Variants in CHSY1 observed in about 807,000 individuals in gnomAD.
CHSY1 encodes the protein chondroitin sulfate synthase 1.
A neutral mutation model predicts 59.8 loss-of-function variants in CHSY1; 13 were observed. That is an observed-to-expected ratio of 0.22 (90% CI 0.14 to 0.35). The LOEUF is 0.35. CHSY1 is among the 10% of genes least tolerant of loss of function. The pLI, the probability that CHSY1 is intolerant of heterozygous loss-of-function variation, is 1.00. For missense variants in CHSY1, 947 were observed against 1,030.6 expected (o/e 0.92, Z 1.11); for synonymous variants, 459 against 401.2 (o/e 1.14, Z -1.72).
chr15:101,182,098 C>T (rs1432650781), intron 2 of CHSY1, among the ~76,000 whole-genome samples: 1 of 152,150 alleles, frequency 6.6e-6, no homozygotes, highest in East Asian at 1.9e-4. Flanking sequence ...ATGGATGGGC[C>T]ATTGCAGCTG....
chr15:101,230,375 AATCATCTCTGTGACAACCCAAAGTC>A (rs1404215318), intron 2 of CHSY1, among the ~76,000 whole-genome samples: 21 of 152,306 alleles, frequency 1.4e-4, no homozygotes, highest in African/African-American at 4.8e-4. Flanking sequence ...CTGGAACACA[AATCATCTCTGTGACAACCCAAAGTC>A]AAGAAAAATT....
chr15:101,212,027 C>T (rs1266439813), intron 2 of CHSY1, among the ~76,000 whole-genome samples: 6 of 151,876 alleles, frequency 4.0e-5, no homozygotes, highest in Admixed American at 3.9e-4. Context: ...GCACAAAAGA[C>T]AGGCACATGA....
At chr15:101,248,572 G>A (rs911742107) in intron 1 of CHSY1, among the ~76,000 whole-genome samples, 5 of 152,150 alleles carry the variant, frequency 3.3e-5, no homozygotes, top group Non-Finnish European at 5.9e-5. Flanking sequence ...TCAAAAGAAA[G>A]GGAGAACCCC....
rs867341202 is a variant in CHSY1 at position 101,251,558 on chromosome 15, C to T, written c.-102G>A. The T allele has an allele frequency of 9.3e-4, 154 of 165,648 alleles. 1 individual carries two copies. Among genetic ancestry groups the T allele is most frequent in the African/African-American group, 3.5e-3 (142 of 40,658 alleles). The allele number at this position is 165,648 out of a possible 1,614,324, so 10.3% of individuals were successfully genotyped here. A position where few individuals can be genotyped will look rare whatever the true frequency, so the allele number is the denominator to read the frequency against. On this transcript the variant is annotated 5_prime_UTR_variant, in exon 1 of 3. Coordinates refer to ENST00000254190, the MANE Select transcript of CHSY1 (RefSeq NM_014918.5). ...CCAGCCCGCCCTAGCGCCGCGAGGC[C>T]CGGCCCGGGCAGCGCCGCCGCCGCC...
Position 101,178,372 on chromosome 15 carries a change from C to G in CHSY1, c.1425G>C (p.Gln475His). The G allele has an allele frequency of 3.1e-6, 5 of 1,609,124 alleles. No homozygotes were observed. Among genetic ancestry groups the G allele is most frequent in the Non-Finnish European group, 4.3e-6 (5 of 1,175,984 alleles). ...CCACAAACTGGATTTTGCTGAAAGT[C>G]TGCTGTAAATACGCGTGCCTCCTCA... ...VPVRRHAYLQ[Q>H]TFSKIQFVEH... is the part of the protein sequence containing the mutation. Residue 475 changes from glutamine (Q) to histidine (H), a missense_variant, in exon 3 of 3, where the codon CAG (glutamine) becomes CAC (histidine). Gln to His is a conservative substitution (Grantham distance 24). Transcript: ENST00000254190.
intron 2 of CHSY1, among the ~76,000 whole-genome samples, chr15:101,224,721 G>A (rs537103904): frequency 2.6e-5 from 4 of 152,080 alleles, no homozygotes; most frequent in Admixed American, 6.5e-5. Context: ...CCACACACAC[G>A]CTTACACTTC....
chr15:101,209,407 T>C (rs922902345), intron 2 of CHSY1, among the ~76,000 whole-genome samples: 1 of 152,182 alleles, frequency 6.6e-6, no homozygotes, highest in Non-Finnish European at 1.5e-5. Context: ...TAAAATGCCA[T>C]CCGTTTTAAT....
chr15:101,235,773 C>G (rs1420244257), intron 1 of CHSY1, among the ~76,000 whole-genome samples, 196 bp from the exon 2 acceptor site: 1 of 151,958 alleles, frequency 6.6e-6, no homozygotes, highest in African/African-American at 2.4e-5. Flanking sequence ...AGAACCCCAA[C>G]AAAAAATGAA....
At chr15:101,180,852 T>C (rs950590457) in intron 2 of CHSY1, among the ~76,000 whole-genome samples, 1 of 152,250 alleles carries the variant, frequency 6.6e-6, no homozygotes, top group African/African-American at 2.4e-5. Context: ...AGAAGCCTGA[T>C]GCACTTCCTG....
chr15:101,248,915 T>C (rs1402891199), intron 1 of CHSY1, among the ~76,000 whole-genome samples: 1 of 151,308 alleles, frequency 6.6e-6, no homozygotes. Context: ...GCCTCCCGAG[T>C]AGCTGGGACT....
intron 2 of CHSY1, among the ~76,000 whole-genome samples, chr15:101,180,313 T>A (rs1376627192): frequency 6.6e-6 from 1 of 152,176 alleles, no homozygotes; most frequent in Non-Finnish European, 1.5e-5. Flanking sequence ...GAGCAAGAAT[T>A]AGAGCAGAAT....
Position 101,177,804 on chromosome 15 carries a change from G to C in CHSY1, c.1993C>G (p.Pro665Ala). Residue 665 changes from proline (P) to alanine (A), a missense_variant, in exon 3 of 3, where the codon CCA (proline) becomes GCA (alanine). Transcript: ENST00000254190. ...ACTTTCCCACTATAAACAATCTTTGGGTCATACTGGCTGAAGATGATTGGA... is the reference window on the plus strand; with the variant it reads ...ACTTTCCCACTATAAACAATCTTTGCGTCATACTGGCTGAAGATGATTGGA... ...YFPIIFSQYDPKIVYSGKVPS... is the reference protein window; with the variant it reads ...YFPIIFSQYDAKIVYSGKVPS... 1 of 1,614,130 alleles carries C rather than the reference G, an allele frequency of 6.2e-7. No homozygotes were observed.
chr15:101,218,715 C>T (rs1045123371), intron 2 of CHSY1, among the ~76,000 whole-genome samples: 5 of 152,204 alleles, frequency 3.3e-5, no homozygotes, highest in Non-Finnish European at 7.3e-5. Flanking sequence ...CACTGAGCTA[C>T]AGCCATGCCA....
chr15:101,181,282 C>G (rs1312679450), intron 2 of CHSY1, among the ~76,000 whole-genome samples: 1 of 152,238 alleles, frequency 6.6e-6, no homozygotes, highest in Non-Finnish European at 1.5e-5. Context: ...TCATGACTGT[C>G]TGCTGTGAGA....
intron 2 of CHSY1, among the ~76,000 whole-genome samples, chr15:101,223,237 C>T (rs2038808460): frequency 6.6e-6 from 1 of 152,180 alleles, no homozygotes; most frequent in South Asian, 2.1e-4. Flanking sequence ...TCAGGTGATC[C>T]ACCCACCTTG....
At chr15:101,249,300 G>A (rs8023810) in intron 1 of CHSY1, among the ~76,000 whole-genome samples, 37,984 of 150,814 alleles carry the variant, frequency 0.25, 6,283 homozygotes, top group African/African-American at 0.48. Context: ...CCACACTAGA[G>A]TCATGCGGAT....
intron 2 of CHSY1, among the ~76,000 whole-genome samples, chr15:101,210,498 T>C (rs2038672628): frequency 6.6e-6 from 1 of 152,252 alleles, no homozygotes; most frequent in Admixed American, 6.5e-5. Flanking sequence ...CAAATAGTTT[T>C]TTTTAGTCAA....
At chr15:101,195,105 CTTCT>C (rs777592406) in intron 2 of CHSY1, among the ~76,000 whole-genome samples, 4 of 152,118 alleles carry the variant, frequency 2.6e-5, no homozygotes, top group Non-Finnish European at 5.9e-5. Flanking sequence ...ATTTTTAAAC[CTTCT>C]TTATTATTAT....
At position 101,235,504 on chromosome 15, in the gene CHSY1, G is replaced by C. The variant is rs966530019; in HGVS notation, c.394C>G (p.Pro132Ala). Residue 132 changes from proline (P) to alanine (A), a missense_variant, in exon 2 of 3, where the codon CCA becomes GCA. Coordinates refer to ENST00000254190, the MANE Select transcript of CHSY1 (RefSeq NM_014918.5). ...SEGSDTSVPI[P>A]VVPLRGVDDS... ...TCCACACCCCGTAGTGGCACTACTG[G>C]AATTGGTACAGATGTGTCAGAACCC... is the stretch of plus-strand genomic sequence containing the variant. 6.2e-7 allele frequency: 1 copy of C among 1,613,928 alleles called. No homozygotes were observed. Among genetic ancestry groups the C allele is most frequent in the Non-Finnish European group, 8.5e-7 (1 of 1,179,988 alleles).
Sources: allele counts gnomAD v4.1 joint callset (sites outside exome capture counted in the v4.1 genomes callset), GRCh38; gene constraint gnomAD v4.1.1; transcripts MANE v1.5; gene names NCBI Gene and HGNC (gene_info 2026-07-23, HGNC 2026-07-21).